The following THBS1 variants were observed in gnomAD, a reference collection of about 807,000 sequenced individuals.
THBS1 encodes thrombospondin 1, also known as thrombospondin-1.
Under a neutral mutation model 126.1 loss-of-function variants are expected in THBS1, and 29 were observed. The ratio of observed to expected loss-of-function variants is 0.23; its 90% confidence interval spans 0.17 to 0.31. THBS1 has a LOEUF of 0.31. Ranked by LOEUF, THBS1 falls within the 10% of genes least tolerant of loss-of-function variation. The pLI, the probability that THBS1 is intolerant of heterozygous loss-of-function variation, is 1.00. For synonymous variants in THBS1, 496 were observed against 577.8 expected (o/e 0.86, Z 2.03); for missense variants, 1,198 against 1,545.2 (o/e 0.78, Z 3.77).
At position 39,589,924 on chromosome 15, in the gene THBS1, C is replaced by T. The variant is rs139380109; in HGVS notation, c.2046C>T (p.Tyr682=). 34 of 1,614,170 alleles carry T rather than the reference C, an allele frequency of 2.1e-5. No individual in the cohort carries two copies. The highest frequency in any genetic ancestry group is 8.3e-5 in the Admixed American group (5 of 60,026). Residue 682 remains tyrosine, a synonymous_variant, in exon 13 of 22, where the codon TAC becomes TAT. Coordinates refer to ENST00000260356, the MANE Select transcript of THBS1 (RefSeq NM_003246.4). The surrounding 1 kb of genome is among the most constrained non-coding windows in gnomAD (Gnocchi z 4.7). Reference sequence around the variant, plus strand: ...ACCGCTGCGAGTGCAAGCCTGGCTACGCTGGCAATGGCATCATCTGCGGGG... The same window carrying T: ...ACCGCTGCGAGTGCAAGCCTGGCTATGCTGGCAATGGCATCATCTGCGGGG... ...PMYRCECKPG[Y]AGNGIICGED...
rs1890498092 is a variant in THBS1, at chr15:39,597,549, A to G, written c.*2180A>G. The G allele has an allele frequency of 6.6e-6, 1 of 152,054 alleles. No homozygotes were observed. The highest frequency in any genetic ancestry group is 1.5e-5 in the Non-Finnish European group (1 of 68,014). 9.4% of individuals were successfully genotyped at this position (152,054 alleles called of 1,614,324 possible). A position where few individuals can be genotyped will look rare whatever the true frequency, so the allele number is the denominator to read the frequency against. ...GTAAATACCATTCATAAATCAATAT[A>G]GCATATACAAAAATAAATTACAGTA... On this transcript the variant is annotated 3_prime_UTR_variant, in exon 22 of 22. Coordinates refer to ENST00000260356, the MANE Select transcript of THBS1 (RefSeq NM_003246.4).
Position 39,592,878 on chromosome 15 carries a change from T to A in THBS1, c.2767+76T>A. The A allele has an allele frequency of 6.4e-7, 1 of 1,557,282 alleles. No homozygotes were observed. The highest frequency in any genetic ancestry group is 8.8e-7 in the Non-Finnish European group (1 of 1,140,330). On this transcript the variant is annotated intron_variant, in intron 17 of 21. Coordinates refer to ENST00000260356, the MANE Select transcript of THBS1 (RefSeq NM_003246.4). The surrounding 1 kb of genome is among the most constrained non-coding windows in gnomAD (Gnocchi z 4.3). ...TAGATTGAAGAAATGAAACCAAGGCTCAAAGCATTTGACAGGATGAAGGGA... is the reference window on the plus strand; with the variant it reads ...TAGATTGAAGAAATGAAACCAAGGCACAAAGCATTTGACAGGATGAAGGGA...
intron 8 of THBS1, 26 bp downstream of exon 8, chr15:39,587,546 G>A (rs9920929): frequency 0.035 from 56,243 of 1,592,162 alleles, 1,129 homozygotes; most frequent in Non-Finnish European, 0.041. Flanking sequence ...TCTCAGGGAC[G>A]TGGAGAACTG....
Position 39,597,995 on chromosome 15 carries a change from T to A in THBS1, c.*2626T>A, listed in dbSNP as rs1247801544. The A allele has an allele frequency of 6.6e-6, 1 of 152,138 alleles. No individual in the cohort carries two copies. The highest frequency in any genetic ancestry group is 1.5e-5 in the Non-Finnish European group (1 of 68,010). 9.4% of individuals were successfully genotyped at this position (152,138 alleles called of 1,614,324 possible). A position where few individuals can be genotyped will look rare whatever the true frequency, so the allele number is the denominator to read the frequency against. On this transcript the variant is annotated 3_prime_UTR_variant, in exon 22 of 22. Coordinates refer to ENST00000260356, the MANE Select transcript of THBS1 (RefSeq NM_003246.4). ...ATACCTCCTCTTGAAGAAGGAATAA[T>A]AAGTTTAATCAAAAAAGAAGACTAA...
chr15:39,590,468 G>A (rs904694407), intron 13 of THBS1, 48 bp from the exon 14 acceptor site: 9 of 1,473,090 alleles, frequency 6.1e-6, no homozygotes, highest in Middle Eastern at 1.7e-4. Flanking sequence ...CATGAGCTCA[G>A]CATGAGGAAG....
In THBS1 at chr15:39,582,809, G is replaced by A. The variant is rs1416860756; in HGVS notation, c.627+57G>A. 1.3e-5 allele frequency: 19 copies of A among 1,517,574 alleles called. No homozygotes were observed. The South Asian group carries it at 2.0e-4, about 16-fold the overall frequency. The allele number at this position is 1,517,574 out of a possible 1,614,324, so 94.0% of individuals were successfully genotyped here. A position where few individuals can be genotyped will look rare whatever the true frequency, so the allele number is the denominator to read the frequency against. On this transcript the variant is annotated intron_variant, in intron 3 of 21. Coordinates refer to ENST00000260356, the MANE Select transcript of THBS1 (RefSeq NM_003246.4). ...GGATCATCTGCTAGACAGGTGACCT[G>A]CCAGGAGGGCTACAGGAAATCCTGT... is the stretch of plus-strand genomic sequence containing the variant.
rs772988121 is a variant in THBS1, at chr15:39,592,642, C to T, written c.2607C>T (p.Asn869=). ...NQDIDEDGHQ[N]NLDNCPYVPN... Reference sequence around the variant, plus strand: ...ATATTGATGAAGATGGCCACCAGAACAATCTGGACAACTGTCCCTATGTGC... The same window carrying T: ...ATATTGATGAAGATGGCCACCAGAATAATCTGGACAACTGTCCCTATGTGC... Residue 869 remains asparagine (N), a synonymous_variant, in exon 17 of 22, where the codon AAC becomes AAT. Transcript: ENST00000260356. The surrounding 1 kb of genome is among the most constrained non-coding windows in gnomAD (Gnocchi z 4.3). 6 of 1,614,160 alleles carry T rather than the reference C, an allele frequency of 3.7e-6. No individual in the cohort carries two copies. Among genetic ancestry groups the T allele is most frequent in the Middle Eastern group, 1.6e-4 (1 of 6,062 alleles).
In THBS1 at chr15:39,582,195, T is replaced by G. The variant is rs41515347; in HGVS notation, c.70T>G (p.Ser24Ala). 6.8e-3 allele frequency: 10,857 copies of G among 1,596,492 alleles called. 509 individuals carry two copies. In the African/African-American group the frequency reaches 0.11, roughly 17 times the overall value. ...TTGTGTTCTCTCCTGTCTAACAGAG[T>G]CTGGCGGAGACAACAGCGTGTTTGA... ...HVCGTNRIPESGGDNSVFDIF... is the reference protein window; with the variant it reads ...HVCGTNRIPEAGGDNSVFDIF... Residue 24 changes from serine to alanine, a missense_variant and splice_region_variant, in exon 3 of 22, where the codon TCT becomes GCT. By Grantham distance (99) the Ser-to-Ala change is moderately conservative. Around this residue, in one of 4 missense-constraint regions of THBS1, gnomAD observed 271 missense variants for 277.0 expected, o/e 0.98. Coordinates refer to ENST00000260356, the MANE Select transcript of THBS1 (RefSeq NM_003246.4).
chr15:39,585,365 C>A, intron 6 of THBS1, 105 bp from the exon 7 acceptor site: 2 of 957,794 alleles, frequency 2.1e-6, no homozygotes, highest in Non-Finnish European at 3.3e-6. Context: ...AGAGCATTGA[C>A]AGCCCTGACC....
At position 39,589,351 on chromosome 15, in the gene THBS1, A is replaced by G; in HGVS notation, c.1923A>G (p.Lys641=). 6.2e-7 allele frequency: 1 copy of G among 1,613,952 alleles called. No individual in the cohort carries two copies. The highest frequency in any genetic ancestry group is 8.5e-7 in the Non-Finnish European group (1 of 1,179,984). ...GQGVEHATAN[K]QVCKPRNPCT... ...GTGTCGAACATGCCACGGCCAACAA[A>G]CAGGTACAGTCAACTAGACGAGTAA... is the stretch of plus-strand genomic sequence containing the variant. The change falls in exon 12 of 22, where the codon AAA becomes AAG. Residue 641 remains lysine (K), a synonymous_variant. Coordinates refer to ENST00000260356, the MANE Select transcript of THBS1 (RefSeq NM_003246.4). The surrounding 1 kb of genome is among the most constrained non-coding windows in gnomAD (Gnocchi z 4.7).
At position 39,593,508 on chromosome 15, in the gene THBS1, A is replaced by G; in HGVS notation, c.3107A>G (p.Tyr1036Cys). Residue 1036 changes from tyrosine (Y) to cysteine (C), a missense_variant, in exon 19 of 22, where the codon TAT becomes TGT. Around this residue, in one of 4 missense-constraint regions of THBS1, gnomAD observed 255 missense variants for 373.9 expected, o/e 0.68. Transcript: ENST00000260356. The surrounding 1 kb of genome is among the most constrained non-coding windows in gnomAD (Gnocchi z 5.9). Reference sequence around the variant, plus strand: ...GGCTACCAGTCCAGCAGCCGCTTTTATGTTGTGATGTGGAAGCAAGTCACC... The same window carrying G: ...GGCTACCAGTCCAGCAGCCGCTTTTGTGTTGTGATGTGGAAGCAAGTCACC... ...VFGYQSSSRFYVVMWKQVTQS... is the reference protein window; with the variant it reads ...VFGYQSSSRFCVVMWKQVTQS... 1 of 1,614,162 alleles carries G rather than the reference A, an allele frequency of 6.2e-7. No individual in the cohort carries two copies. Among genetic ancestry groups the G allele is most frequent in the Non-Finnish European group, 8.5e-7 (1 of 1,180,022 alleles).
Position 39,594,195 on chromosome 15 carries a change from A to G in THBS1, c.3364A>G (p.Arg1122Gly). ...LSHRPKTGFI[R>G]VVMYEGKKIM... ...CCACAGGCCAAAGACGGGTTTCATT[A>G]GGTACGATCATACTGATTCACTTTC... Residue 1122 changes from arginine (R) to glycine (G), a missense_variant and splice_region_variant, in exon 20 of 22, where the codon AGA (arginine) becomes GGA (glycine). By Grantham distance (125) the Arg-to-Gly change is moderately radical. This residue lies in a region of THBS1 where 255 missense variants were observed against 373.9 expected (regional missense o/e 0.68). Coordinates refer to ENST00000260356, the MANE Select transcript of THBS1 (RefSeq NM_003246.4). The surrounding 1 kb of genome is among the most constrained non-coding windows in gnomAD (Gnocchi z 4.4). 6.2e-7 allele frequency: 1 copy of G among 1,614,212 alleles called. No homozygotes were observed. The highest frequency in any genetic ancestry group is 8.5e-7 in the Non-Finnish European group (1 of 1,180,012).
Position 39,588,076 on chromosome 15 carries a change from G to T in THBS1, c.1329G>T (p.Pro443=), listed in dbSNP as rs35275624. The T allele has an allele frequency of 6.7e-4, 1,087 of 1,614,134 alleles. 2 individuals carry two copies. Among genetic ancestry groups the T allele is most frequent in the Non-Finnish European group, 7.7e-4 (913 of 1,180,018 alleles). ...ATGGTGGCTGGAGCCACTGGTCCCC[G>T]TGGTCATCTTGTTCTGTGACATGTG... ...KQDGGWSHWS[P]WSSCSVTCGD... The change falls in exon 9 of 22, where the codon CCG becomes CCT. Residue 443 remains proline, a synonymous_variant. Coordinates refer to ENST00000260356, the MANE Select transcript of THBS1 (RefSeq NM_003246.4).
rs1890129754 is a variant in THBS1 at position 39,582,458 on chromosome 15, C to T, written c.333C>T (p.Asp111=). 3 of 1,614,010 alleles carry T rather than the reference C, an allele frequency of 1.9e-6. No individual in the cohort carries two copies. Among genetic ancestry groups the T allele is most frequent in the Non-Finnish European group, 8.5e-7 (1 of 1,180,004 alleles). Reference sequence around the variant, plus strand: ...CGCTGCTGGCCCTGGAGCGGAAAGACCACTCTGGCCAGGTCTTCAGCGTGG... The same window carrying T: ...CGCTGCTGGCCCTGGAGCGGAAAGATCACTCTGGCCAGGTCTTCAGCGTGG... The part of the protein sequence containing the change: ...RGTLLALERK[D]HSGQVFSVVS... Residue 111 remains aspartate, a synonymous_variant, in exon 3 of 22, where the codon GAC becomes GAT. Coordinates refer to ENST00000260356, the MANE Select transcript of THBS1 (RefSeq NM_003246.4).
At chr15:39,582,143 T>C in intron 2 of THBS1, 50 bp from the exon 3 acceptor site, 1 of 1,541,102 alleles carries the variant, frequency 6.5e-7, no homozygotes. Context: ...AGCCCCCTAC[T>C]GCTGGTCCCA....
rs201099206 is a variant in THBS1 at position 39,584,278 on chromosome 15, A to G, written c.904-22A>G. ...ATGACTGAAAATGCGGGGGGACACT[A>G]ATGATATTCTCTCCCATTTAGACTG... On this transcript the variant is annotated intron_variant, in intron 5 of 21. Coordinates refer to ENST00000260356, the MANE Select transcript of THBS1 (RefSeq NM_003246.4). 126 of 1,614,238 alleles carry G rather than the reference A, an allele frequency of 7.8e-5. No homozygotes were observed. In the East Asian group the frequency reaches 2.6e-3, roughly 34 times the overall value.
chr15:39,595,008 T>A (rs948231963), intron 21 of THBS1, among the ~76,000 whole-genome samples: 8 of 152,240 alleles, frequency 5.3e-5, no homozygotes, highest in African/African-American at 1.9e-4. Context: ...CAAGGCCAGA[T>A]ACCTAAAAGA....
rs1269452058 is a variant in THBS1 at position 39,582,312 on chromosome 15, G to A, written c.187G>A (p.Asp63Asn). ...DPSSPAFRIE[D>N]ANLIPPVPDD... ...TTCCAGCCCAGCTTTCCGCATCGAG[G>A]ATGCCAACCTGATCCCCCCTGTGCC... is the stretch of plus-strand genomic sequence containing the variant. The change falls in exon 3 of 22, where the codon GAT becomes AAT. Residue 63 changes from aspartate to asparagine, a missense_variant. By Grantham distance (23) the Asp-to-Asn change is conservative. This residue lies in a region of THBS1 where 271 missense variants were observed against 277.0 expected (regional missense o/e 0.98). Coordinates refer to ENST00000260356, the MANE Select transcript of THBS1 (RefSeq NM_003246.4). 1 of 1,614,208 alleles carries A rather than the reference G, an allele frequency of 6.2e-7. No individual in the cohort carries two copies.
rs917382462 is a variant in THBS1, at chr15:39,599,089, C to T, written c.*3720C>T. 1 of 152,192 alleles carries T rather than the reference C, an allele frequency of 6.6e-6. No individual in the cohort carries two copies. Among genetic ancestry groups the T allele is most frequent in the South Asian group, 2.1e-4 (1 of 4,828 alleles). The allele number at this position is 152,192 out of a possible 1,614,324, so 9.4% of individuals were successfully genotyped here. A position where few individuals can be genotyped will look rare whatever the true frequency, so the allele number is the denominator to read the frequency against. ...TACAAGCGCCCGCCACCAAGCCTGG[C>T]TAATTCTGTATTTTTAGTAAAGACG... On this transcript the variant is annotated 3_prime_UTR_variant, in exon 22 of 22. Transcript: ENST00000260356.
Sources: allele counts gnomAD v4.1 joint callset (sites outside exome capture counted in the v4.1 genomes callset), GRCh38; gene constraint gnomAD v4.1.1; regional missense constraint gnomAD v4.1.1; non-coding constraint Gnocchi (gnomAD v3.1); transcripts MANE v1.5; gene names NCBI Gene and HGNC (gene_info 2026-07-23, HGNC 2026-07-21).